The following SLCO6A1 variants were observed in gnomAD, a reference collection of about 807,000 sequenced individuals.
SLCO6A1 encodes solute carrier organic anion transporter family member 6A1.
In SLCO6A1, 65 loss-of-function variants were observed where a neutral mutation model predicts 72.7. That is an observed-to-expected ratio of 0.89 (90% CI 0.73 to 1.10). The LOEUF (loss-of-function observed/expected upper bound fraction) is 1.10. Among genes scored for constraint, SLCO6A1 ranks in the 50% least tolerant of loss-of-function variants. The pLI is 0.00. For synonymous variants in SLCO6A1, 314 were observed against 298.2 expected, an observed-to-expected ratio of 1.05 and a Z score of -0.55; for missense variants, 874 against 872.6, an observed-to-expected ratio of 1.00 and a Z score of -0.02.
intron 3 of SLCO6A1, among the ~76,000 whole-genome samples, chr5:102,477,087 A>G (rs1011357811): frequency 6.6e-6 from 1 of 152,148 alleles, no homozygotes; most frequent in Non-Finnish European, 1.5e-5. Context: ...ATGTACATAC[A>G]TATACATAAA....
chr5:102,373,230 TAG>T (rs1750722179), intron 13 of SLCO6A1, 105 bp downstream of exon 13: 2 of 669,776 alleles, frequency 3.0e-6, no homozygotes, highest in Non-Finnish European at 4.1e-6. Context: ...ATAAAATATA[TAG>T]AATTATATGA....
chr5:102,475,894 A>G (rs529116314), intron 3 of SLCO6A1, 101 bp from the exon 4 acceptor site: 1 of 813,518 alleles, frequency 1.2e-6, no homozygotes, highest in South Asian at 1.9e-5. Flanking sequence ...AGCTTTTCAT[A>G]GCATTCTGTA....
chr5:102,494,084 A>C (rs1171128702), intron 1 of SLCO6A1, among the ~76,000 whole-genome samples: 1 of 152,162 alleles, frequency 6.6e-6, no homozygotes, highest in Non-Finnish European at 1.5e-5. Context: ...ATAAGTATAG[A>C]TGTATTAGGA....
At chr5:102,393,659 C>T (rs1746897939) in intron 10 of SLCO6A1, among the ~76,000 whole-genome samples, 1 of 151,958 alleles carries the variant, frequency 6.6e-6, no homozygotes, top group African/African-American at 2.4e-5. Flanking sequence ...CTTGTTACAT[C>T]TAACATGCAT....
At chr5:102,431,348 A>C (rs185334424) in intron 7 of SLCO6A1, among the ~76,000 whole-genome samples, 233 of 151,884 alleles carry the variant, frequency 1.5e-3, no homozygotes, top group African/African-American at 5.0e-3. Context: ...TTGTGATGTT[A>C]GTTTTTAAAT....
At chr5:102,456,088 T>C (rs145344707) in intron 6 of SLCO6A1, among the ~76,000 whole-genome samples, 151 of 152,256 alleles carry the variant, frequency 9.9e-4, no homozygotes, top group African/African-American at 3.6e-3. Flanking sequence ...ATAAATTAGG[T>C]ATTGATGGGA....
At chr5:102,429,273 A>G (rs1320127871) in intron 7 of SLCO6A1, among the ~76,000 whole-genome samples, 4 of 152,120 alleles carry the variant, frequency 2.6e-5, no homozygotes, top group African/African-American at 9.7e-5. Context: ...CTCTGTTGAT[A>G]GTTTCTTTTG....
At chr5:102,428,265 C>T (rs998455949) in intron 7 of SLCO6A1, among the ~76,000 whole-genome samples, 35 of 151,698 alleles carry the variant, frequency 2.3e-4, no homozygotes, top group African/African-American at 7.3e-4. Flanking sequence ...AGAAGCTCCA[C>T]AAAAAGGCTT....
intron 4 of SLCO6A1, among the ~76,000 whole-genome samples, chr5:102,475,472 T>C (rs1751847634): frequency 6.6e-6 from 1 of 152,110 alleles, no homozygotes; most frequent in African/African-American, 2.4e-5. Flanking sequence ...TGAAAAACAA[T>C]GTACACATAG....
chr5:102,488,632 A>G (rs1392771882), intron 1 of SLCO6A1, among the ~76,000 whole-genome samples: 3 of 152,252 alleles, frequency 2.0e-5, no homozygotes, highest in South Asian at 2.1e-4. Flanking sequence ...GGAGAAGAAG[A>G]AAACCCAAAC....
At chr5:102,426,132 A>G (rs1354495106) in intron 7 of SLCO6A1, among the ~76,000 whole-genome samples, 2 of 152,216 alleles carry the variant, frequency 1.3e-5, no homozygotes, top group East Asian at 1.9e-4. Context: ...GACAGATATA[A>G]GACTTAAATG....
chr5:102,460,985 T>C (rs1751010974), intron 4 of SLCO6A1, among the ~76,000 whole-genome samples: 1 of 90,118 alleles, frequency 1.1e-5, no homozygotes, highest in African/African-American at 4.2e-5. Flanking sequence ...GGAGTTTCAA[T>C]TCCAGATTGT....
intron 8 of SLCO6A1, among the ~76,000 whole-genome samples, chr5:102,418,057 A>G (rs1748386775): frequency 6.6e-6 from 1 of 151,876 alleles, no homozygotes; most frequent in Non-Finnish European, 1.5e-5. Context: ...TTTGACAGAT[A>G]TTCTGGGTTG....
intron 6 of SLCO6A1, among the ~76,000 whole-genome samples, chr5:102,454,220 G>A (rs1750583398): frequency 6.6e-6 from 1 of 152,178 alleles, no homozygotes; most frequent in South Asian, 2.1e-4. Context: ...ACCACCTCAA[G>A]TGGCAGGAAG....
chr5:102,435,801 G>A (rs1205240521), intron 7 of SLCO6A1, among the ~76,000 whole-genome samples: 1 of 151,988 alleles, frequency 6.6e-6, no homozygotes, highest in Non-Finnish European at 1.5e-5. Context: ...CTTGAACCTG[G>A]GAGGTGGAGG....
rs1750923831 is a variant in SLCO6A1 at position 102,459,723 on chromosome 5, A to T, written c.954T>A (p.Phe318Leu). 1 of 1,611,938 alleles carries T rather than the reference A, an allele frequency of 6.2e-7. No individual in the cohort carries two copies. The highest frequency in any genetic ancestry group is 8.5e-7 in the Non-Finnish European group (1 of 1,179,064). The change falls in exon 5 of 14, where the codon TTT (phenylalanine) becomes TTA (leucine). Residue 318 changes from phenylalanine (F) to leucine (L), a missense_variant. Coordinates refer to ENST00000506729, the MANE Select transcript of SLCO6A1 (RefSeq NM_173488.5). Reference sequence around the variant, plus strand: ...ACCATGCAACGACAGCGGCAAAAAGAAAATTAATCCACCAAGTCCATAGCC... The same window carrying T: ...ACCATGCAACGACAGCGGCAAAAAGTAAATTAATCCACCAAGTCCATAGCC... ...PEWLWTWWINFLFAAVVAWCT... is the reference protein window; with the variant it reads ...PEWLWTWWINLLFAAVVAWCT...
intron 8 of SLCO6A1, among the ~76,000 whole-genome samples, chr5:102,414,212 A>G (rs1002186077): frequency 1.3e-5 from 2 of 152,134 alleles, no homozygotes; most frequent in African/African-American, 4.8e-5. Flanking sequence ...TTATATTTAC[A>G]TCTATAATTC....
chr5:102,451,189 C>T (rs191204869), intron 6 of SLCO6A1, among the ~76,000 whole-genome samples: 72 of 152,294 alleles, frequency 4.7e-4, no homozygotes, highest in Middle Eastern at 3.4e-3. Flanking sequence ...TGCTCCCTAT[C>T]GAGCCTGAGG....
chr5:102,475,475 A>G (rs903150698), intron 4 of SLCO6A1, among the ~76,000 whole-genome samples: 1 of 152,140 alleles, frequency 6.6e-6, no homozygotes, highest in Non-Finnish European at 1.5e-5. Context: ...AAAACAATGT[A>G]CACATAGTTA....
Sources: gnomAD v4.1 joint callset for allele counts (sites outside exome capture counted in the v4.1 genomes callset) on GRCh38, gnomAD v4.1.1 for gene constraint, MANE v1.5 for transcripts, NCBI Gene and HGNC (gene_info 2026-07-23, HGNC 2026-07-21) for gene names.